Variants in MCHR2 observed in about 807,000 individuals in gnomAD.
MCHR2 encodes melanin-concentrating hormone receptor 2.
In MCHR2, 15 loss-of-function variants were observed where a neutral mutation model predicts 24.8. That is an observed-to-expected ratio of 0.60 (90% confidence interval 0.40 to 0.93). The LOEUF (loss-of-function observed/expected upper bound fraction) is 0.93, where lower values mean the gene tolerates loss of function less well. Among genes scored for constraint, MCHR2 ranks in the 40% least tolerant of loss-of-function variants. MCHR2 has a pLI of 0.00. For synonymous variants in MCHR2, 151 were observed against 147.6 expected (o/e 1.02, Z -0.17); for missense variants, 386 against 408.7 (o/e 0.94, Z 0.48).
At chr6:99,922,059 C>T (rs1030512754) in intron 5 of MCHR2, among the ~76,000 whole-genome samples, 6 of 151,062 alleles carry the variant, frequency 4.0e-5, no homozygotes, top group African/African-American at 9.7e-5. Flanking sequence ...TAAATCTTGG[C>T]AATTTATATA....
chr6:99,936,905 T>C (rs192285195), intron 4 of MCHR2, among the ~76,000 whole-genome samples: 23 of 152,044 alleles, frequency 1.5e-4, no homozygotes, highest in African/African-American at 5.5e-4. Flanking sequence ...TTTTATAGTT[T>C]TCCTTGTATA....
chr6:99,989,885 C>T (rs1775836415), intron 1 of MCHR2, among the ~76,000 whole-genome samples: 1 of 152,016 alleles, frequency 6.6e-6, no homozygotes. Flanking sequence ...TATATGTGCT[C>T]CGTGAAATAA....
chr6:99,942,910 C>G (rs371735517), intron 4 of MCHR2, 39 bp downstream of exon 4: 2 of 1,545,244 alleles, frequency 1.3e-6, no homozygotes, highest in African/African-American at 2.7e-5. Context: ...TTCTTCACAA[C>G]TTAATTCAAC....
intron 1 of MCHR2, among the ~76,000 whole-genome samples, chr6:99,957,105 C>G (rs1287537312): frequency 6.6e-6 from 1 of 152,090 alleles, no homozygotes; most frequent in Non-Finnish European, 1.5e-5. Context: ...CCAATGCTAT[C>G]TTGATTTAGA....
At chr6:99,930,679 C>T (rs535936835) in intron 5 of MCHR2, among the ~76,000 whole-genome samples, 77 of 152,300 alleles carry the variant, frequency 5.1e-4, no homozygotes, top group African/African-American at 1.8e-3. Flanking sequence ...AGCCTTGGCT[C>T]TCAGCTCCAT....
In MCHR2 at chr6:99,963,988, C is replaced by T. The variant is rs187721726; in HGVS notation, c.-27-7814G>A. 2.8e-3 allele frequency among the ~76,000 whole-genome samples: 423 copies of T among 152,128 alleles called. 2 individuals carry two copies. The highest frequency in any genetic ancestry group is 3.9e-3 in the Non-Finnish European group (264 of 67,984). ...GGCAAGTGACTTCAATAGGCATTTA[C>T]AAAACAGGCATCCAGCTGGTGAATA... On this transcript the variant is annotated intron_variant, in intron 1 of 5. Transcript: ENST00000281806.
At position 99,960,367 on chromosome 6, in the gene MCHR2, T is replaced by G. The variant is rs184444136; in HGVS notation, c.-27-4193A>C. On this transcript the variant is annotated intron_variant, in intron 1 of 5. Transcript: ENST00000281806. The stretch of plus-strand genomic sequence containing the variant: ...AAATGGAAGAACATTCCATGCTCAT[T>G]GATAGGAAGAATCAATATGGTGAAA... 9.2e-5 allele frequency among the ~76,000 whole-genome samples: 14 copies of G among 152,162 alleles called. No homozygotes were observed. The East Asian group carries it at 2.7e-3, about 29-fold the overall frequency.
chr6:99,964,213 A>T (rs1775250618), intron 1 of MCHR2, among the ~76,000 whole-genome samples: 1 of 152,110 alleles, frequency 6.6e-6, no homozygotes, highest in Non-Finnish European at 1.5e-5. Context: ...GGCATTATTA[A>T]AGTTGAATAG....
chr6:99,958,936 G>T (rs1674071552), intron 1 of MCHR2, among the ~76,000 whole-genome samples: 1 of 152,146 alleles, frequency 6.6e-6, no homozygotes, highest in African/African-American at 2.4e-5. Context: ...CTGGATACCT[G>T]GGGGCTCCTT....
chr6:99,988,777 C>A (rs111448837), intron 1 of MCHR2, among the ~76,000 whole-genome samples: 3,036 of 152,274 alleles, frequency 0.02, 101 homozygotes, highest in African/African-American at 0.069. Flanking sequence ...GAAGACACAT[C>A]ACTCCATCTT....
At chr6:99,978,927 A>G (rs1582408912) in intron 1 of MCHR2, among the ~76,000 whole-genome samples, 1 of 152,162 alleles carries the variant, frequency 6.6e-6, no homozygotes, top group East Asian at 1.9e-4. Context: ...AGAACTGGGG[A>G]AAGGAAAAGG....
rs112745369 is a variant in MCHR2 at position 99,987,170 on chromosome 6, G to A, written c.-28+6766C>T. Among the ~76,000 whole-genome samples the A allele has an allele frequency of 6.6e-3, 1,005 of 151,496 alleles. 6 individuals are homozygous for A. Among genetic ancestry groups the A allele is most frequent in the South Asian group, 0.032 (152 of 4,786 alleles). On this transcript the variant is annotated intron_variant, in intron 1 of 5. Transcript: ENST00000281806. The stretch of plus-strand genomic sequence containing the variant: ...GGGTGGAGTGCAGCGGTGTGATCTC[G>A]GCTCACTGCAACCTCTGCCTCCTGG...
At chr6:99,989,556 T>C (rs1775829518) in intron 1 of MCHR2, among the ~76,000 whole-genome samples, 1 of 152,198 alleles carries the variant, frequency 6.6e-6, no homozygotes, top group South Asian at 2.1e-4. Context: ...TCTAAAACTA[T>C]GTGCTGACCT....
At chr6:99,983,014 G>T (rs1483603773) in intron 1 of MCHR2, among the ~76,000 whole-genome samples, 1 of 152,100 alleles carries the variant, frequency 6.6e-6, no homozygotes, top group African/African-American at 2.4e-5. Context: ...TGGCTGGAGT[G>T]CAGTGGTGCA....
chr6:99,977,884 A>G (rs1292975316), intron 1 of MCHR2, among the ~76,000 whole-genome samples: 2 of 152,256 alleles, frequency 1.3e-5, no homozygotes, highest in Admixed American at 6.5e-5. Context: ...GATGATAAGT[A>G]TAATTTATGA....
rs915532569 is a variant in MCHR2, at chr6:99,947,668, T to C, written c.392+94A>G. 3 of 1,307,808 alleles carry C rather than the reference T, an allele frequency of 2.3e-6. No individual in the cohort carries two copies. The African/African-American group carries it at 4.4e-5, about 19-fold the overall frequency. 81.0% of individuals were successfully genotyped at this position (1,307,808 alleles called of 1,614,324 possible). ...AAACAAAGGAAGAAAACCTCTGCTG[T>C]TATAAACCAAAACTGGTGTTGGAAT... On this transcript the variant is annotated intron_variant, in intron 3 of 5. Transcript: ENST00000281806.
chr6:99,955,504 A>C (rs932715042), intron 2 of MCHR2, among the ~76,000 whole-genome samples: 2 of 152,124 alleles, frequency 1.3e-5, no homozygotes, highest in African/African-American at 4.8e-5. Context: ...AAGTGAGTAA[A>C]AGAATCTCTT....
intron 5 of MCHR2, among the ~76,000 whole-genome samples, chr6:99,929,954 C>A (rs901731556): frequency 6.6e-6 from 1 of 150,418 alleles, no homozygotes; most frequent in African/African-American, 2.4e-5. Flanking sequence ...TACAATTTTG[C>A]ATGATTTTGC....
chr6:99,975,711 G>A (rs916189453), intron 1 of MCHR2, among the ~76,000 whole-genome samples: 3 of 152,176 alleles, frequency 2.0e-5, no homozygotes, highest in African/African-American at 7.2e-5. Flanking sequence ...CAGCCATCTT[G>A]GCTCCTGAGT....
Sources: gnomAD v4.1 joint callset for allele counts (sites outside exome capture counted in the v4.1 genomes callset) on GRCh38, gnomAD v4.1.1 for gene constraint, MANE v1.5 for transcripts, NCBI Gene and HGNC (gene_info 2026-07-23, HGNC 2026-07-21) for gene names.